AGTR1: variants seen among roughly 807,000 people sequenced by gnomAD.
AGTR1 encodes angiotensin II receptor type 1.
AGTR1 carries 16 observed loss-of-function variants against 19.4 expected under a neutral mutation model. The observed-to-expected ratio is 0.82, with a 90% CI of 0.56 to 1.25. The LOEUF is 1.25. AGTR1 is among the 50% of genes most tolerant of loss of function. The pLI is 0.00. For missense variants in AGTR1, 373 were observed against 431.9 expected, an observed-to-expected ratio of 0.86 and a Z score of 1.21; for synonymous variants, 153 against 154.9, an observed-to-expected ratio of 0.99 and a Z score of 0.09.
chr3:148,735,113 G>GT (rs1714501614), intron 2 of AGTR1, among the ~76,000 whole-genome samples: 1 of 152,132 alleles, frequency 6.6e-6, no homozygotes, highest in Admixed American at 6.5e-5. Flanking sequence ...GTCAGGACCA[G>GT]TAGGCACATA....
intron 2 of AGTR1, among the ~76,000 whole-genome samples, chr3:148,738,388 T>C (rs536416214): frequency 6.6e-6 from 1 of 152,172 alleles, no homozygotes; most frequent in South Asian, 2.1e-4. Context: ...AAAATCCAGC[T>C]GATCTCTACT....
chr3:148,732,132 G>GC (rs1320774513), intron 2 of AGTR1, among the ~76,000 whole-genome samples: 1 of 152,104 alleles, frequency 6.6e-6, no homozygotes, highest in African/African-American at 2.4e-5. Context: ...ATCACATTGC[G>GC]CCCCCCTCTT....
At chr3:148,707,475 T>C (rs548828231) in intron 1 of AGTR1, among the ~76,000 whole-genome samples, 42 of 152,258 alleles carry the variant, frequency 2.8e-4, no homozygotes, top group Non-Finnish European at 5.1e-4. Flanking sequence ...ACAGAAAAGG[T>C]AATCTTTTAA....
intron 2 of AGTR1, among the ~76,000 whole-genome samples, chr3:148,721,733 A>G (rs1275284975): frequency 1.3e-5 from 2 of 152,184 alleles, no homozygotes; most frequent in African/African-American, 4.8e-5. Context: ...AGTACCAGAG[A>G]GTTGAGAGCT....
At chr3:148,722,227 C>G (rs1264056648) in intron 2 of AGTR1, among the ~76,000 whole-genome samples, 1 of 152,108 alleles carries the variant, frequency 6.6e-6, no homozygotes, top group African/African-American at 2.4e-5. Context: ...AGTAATGACA[C>G]AGATGATAGG....
chr3:148,701,705 G>A (rs998100666), intron 1 of AGTR1, among the ~76,000 whole-genome samples: 6 of 152,056 alleles, frequency 3.9e-5, no homozygotes, highest in African/African-American at 1.2e-4. Context: ...TGGAAAATGG[G>A]TAAAAAATGA....
In AGTR1 at chr3:148,741,629, C is replaced by A. The variant is rs1559934272; in HGVS notation, c.594C>A (p.Thr198=). 1 of 1,613,948 alleles carries A rather than the reference C, an allele frequency of 6.2e-7. No homozygotes were observed. The highest frequency in any genetic ancestry group is 1.7e-5 in the Admixed American group (1 of 60,004). Residue 198 remains threonine, a synonymous_variant, in exon 3 of 3, where the codon ACC becomes ACA. Transcript: ENST00000349243. ...NSTLPIGLGL[T]KNILGFLFPF... ...CCCTCCCGATAGGGCTGGGCCTGAC[C>A]AAAAATATACTGGGTTTCCTGTTTC...
At chr3:148,727,784 A>G (rs1242104071) in intron 2 of AGTR1, among the ~76,000 whole-genome samples, 1 of 152,228 alleles carries the variant, frequency 6.6e-6, no homozygotes, top group African/African-American at 2.4e-5. Context: ...TGCATGAAAT[A>G]AAAGCCTCCA....
At chr3:148,739,340 T>C (rs2107971576) in intron 2 of AGTR1, among the ~76,000 whole-genome samples, 1 of 147,472 alleles carries the variant, frequency 6.8e-6, no homozygotes, top group Middle Eastern at 3.5e-3. Context: ...GCCTGGGCAA[T>C]ACAGTGACAC....
intron 2 of AGTR1, among the ~76,000 whole-genome samples, chr3:148,736,857 CTATG>C (rs1259147485): frequency 1.3e-5 from 2 of 152,168 alleles, no homozygotes; most frequent in African/African-American, 4.8e-5. Flanking sequence ...GTGGATCCTC[CTATG>C]TTTTTAATCA....
At chr3:148,713,314 G>C (rs909877571) in intron 2 of AGTR1, among the ~76,000 whole-genome samples, 1 of 132,868 alleles carries the variant, frequency 7.5e-6, no homozygotes, top group African/African-American at 3.8e-5. Flanking sequence ...TTGGTTGGAG[G>C]GGGGGAATAT....
Position 148,740,429 on chromosome 3 carries a change from T to G in AGTR1, c.-47-560T>G, listed in dbSNP as rs118021464. Among the ~76,000 whole-genome samples, 76 of 152,310 alleles carry G rather than the reference T, an allele frequency of 5.0e-4. No homozygotes were observed. The East Asian group carries it at 0.013, about 25-fold the overall frequency. On this transcript the variant is annotated intron_variant, in intron 2 of 2. Transcript: ENST00000349243. ...CTACCTCCTACGCCTCTTAAATCAA[T>G]TGCCACAGTGACCAATTTGTCAGTC...
At position 148,701,363 on chromosome 3, in the gene AGTR1, A is replaced by G. The variant is rs575325411; in HGVS notation, c.-132+3236A>G. Among the ~76,000 whole-genome samples the G allele has an allele frequency of 2.0e-5, 3 of 152,242 alleles. No homozygotes were observed. In the South Asian group the frequency reaches 6.2e-4, roughly 32 times the overall value. On this transcript the variant is annotated intron_variant, in intron 1 of 2. Coordinates refer to ENST00000349243, the MANE Select transcript of AGTR1 (RefSeq NM_000685.5). ...TTAACATTAAAATATTTGCTATGGGATTTTTCTTCTTATCAAAGCAGATGC... is the reference window on the plus strand; with the variant it reads ...TTAACATTAAAATATTTGCTATGGGGTTTTTCTTCTTATCAAAGCAGATGC...
chr3:148,706,867 T>C (rs1457718531), intron 1 of AGTR1, among the ~76,000 whole-genome samples: 1 of 152,058 alleles, frequency 6.6e-6, no homozygotes, highest in African/African-American at 2.4e-5. Flanking sequence ...TAAATTGGTA[T>C]AACCTTAACG....
At chr3:148,722,297 A>C (rs1353168126) in intron 2 of AGTR1, among the ~76,000 whole-genome samples, 1 of 152,228 alleles carries the variant, frequency 6.6e-6, no homozygotes, top group East Asian at 1.9e-4. Flanking sequence ...AAAATGCTTG[A>C]TGGAAGTTTG....
intron 1 of AGTR1, among the ~76,000 whole-genome samples, chr3:148,700,937 T>G (rs1712303859): frequency 6.6e-6 from 1 of 152,256 alleles, no homozygotes; most frequent in Admixed American, 6.5e-5. Flanking sequence ...TAAAGCAGTA[T>G]ACTCAATCTC....
chr3:148,705,684 C>G (rs1048539618), intron 1 of AGTR1, among the ~76,000 whole-genome samples: 21 of 151,484 alleles, frequency 1.4e-4, no homozygotes, highest in Non-Finnish European at 2.7e-4. Context: ...TAGAACATTA[C>G]AGTTGTTATA....
intron 2 of AGTR1, chr3:148,731,303 A>G (rs1714240977): frequency 6.6e-6 from 1 of 152,180 alleles, no homozygotes; most frequent in Non-Finnish European, 1.5e-5. Context: ...CGTTGTTCAG[A>G]TTTGCCCTGA....
chr3:148,720,649 C>G (rs1465148186), intron 2 of AGTR1, among the ~76,000 whole-genome samples: 2 of 152,056 alleles, frequency 1.3e-5, no homozygotes, highest in Non-Finnish European at 2.9e-5. Flanking sequence ...ATCTAGCTGC[C>G]TCGTACCGGT....
Sources: gnomAD v4.1 joint callset for allele counts (sites outside exome capture counted in the v4.1 genomes callset) on GRCh38, gnomAD v4.1.1 for gene constraint, MANE v1.5 for transcripts, NCBI Gene and HGNC (gene_info 2026-07-23, HGNC 2026-07-21) for gene names.